Variants in NFIB observed in about 807,000 individuals in gnomAD.
NFIB encodes nuclear factor I B.
NFIB carries 11 observed loss-of-function variants against 61.5 expected under a neutral mutation model. That is an observed-to-expected ratio of 0.18 (90% CI 0.11 to 0.30). The LOEUF is 0.30. Ranked by LOEUF, NFIB falls within the 10% of genes least tolerant of loss-of-function variation. The pLI, the probability that NFIB is intolerant of heterozygous loss-of-function variation, is 1.00. For synonymous variants in NFIB, 260 were observed against 216.5 expected, an observed-to-expected ratio of 1.20 and a Z score of -1.76; for missense variants, 471 against 608.9, an observed-to-expected ratio of 0.77 and a Z score of 2.38.
chr9:14,187,581 T>C (rs1299640693), intron 2 of NFIB, among the ~76,000 whole-genome samples: 1 of 152,286 alleles, frequency 6.6e-6, no homozygotes, highest in East Asian at 1.9e-4. Context: ...CGATATATCC[T>C]GTTTCATTCC....
the NFIB span, among the ~76,000 whole-genome samples, chr9:14,453,333 C>T: frequency 6.6e-6 from 1 of 152,162 alleles, no homozygotes; most frequent in South Asian, 2.1e-4. Flanking sequence ...AGATTTCTGC[C>T]AACCCACTCC....
intron 10 of NFIB, among the ~76,000 whole-genome samples, chr9:14,098,315 C>T (rs754797950): frequency 1.3e-5 from 2 of 152,094 alleles, no homozygotes; most frequent in South Asian, 2.1e-4. Context: ...TGTGGCTTTG[C>T]GTTTTCTTGA....
At chr9:14,175,376 A>G (rs915298051) in intron 3 of NFIB, among the ~76,000 whole-genome samples, 3 of 151,702 alleles carry the variant, frequency 2.0e-5, no homozygotes, top group Non-Finnish European at 4.4e-5. Context: ...GGGTTTCACC[A>G]TGTTAGCCAG....
At chr9:14,221,121 C>G (rs1004139172) in intron 2 of NFIB, among the ~76,000 whole-genome samples, 37 of 152,102 alleles carry the variant, frequency 2.4e-4, no homozygotes, top group Non-Finnish European at 3.5e-4. Context: ...GTTGATATTC[C>G]CACATTTCAC....
the NFIB span, among the ~76,000 whole-genome samples, chr9:14,481,197 GTATATATATATA>G: frequency 0.098 from 4,502 of 45,890 alleles, 603 homozygotes; most frequent in Non-Finnish European, 0.12. Flanking sequence ...GTGTGTGTGT[GTATATATATATA>G]TATATATATA....
At chr9:14,342,857 CAAT>C (rs1309162592) in intron 1 of NFIB, among the ~76,000 whole-genome samples, 1 of 152,180 alleles carries the variant, frequency 6.6e-6, no homozygotes, top group Non-Finnish European at 1.5e-5. Flanking sequence ...AGCAACCAAA[CAAT>C]GAGGGTACAT....
At chr9:14,259,729 T>C (rs1235856556) in intron 2 of NFIB, among the ~76,000 whole-genome samples, 2 of 151,844 alleles carry the variant, frequency 1.3e-5, no homozygotes, top group African/African-American at 4.8e-5. Context: ...GGTGAAATCC[T>C]GTCTCTACTA....
intron 4 of NFIB, among the ~76,000 whole-genome samples, chr9:14,152,082 T>C (rs1237706533): frequency 6.6e-6 from 1 of 152,116 alleles, no homozygotes; most frequent in Non-Finnish European, 1.5e-5. Context: ...GTACAAGCTT[T>C]ATCACAGAGA....
chr9:14,357,665 T>G (rs898581767), intron 1 of NFIB: 2 of 152,224 alleles, frequency 1.3e-5, no homozygotes, highest in Admixed American at 6.5e-5. Context: ...AATGGAAACT[T>G]ATGTCCACGT....
chr9:14,401,827 C>T (rs1307977122), upstream of NFIB, among the ~76,000 whole-genome samples: 1 of 152,058 alleles, frequency 6.6e-6, no homozygotes, highest in Non-Finnish European at 1.5e-5. Flanking sequence ...AAATTCTTTT[C>T]CAGAACAATC....
At position 14,098,450 on chromosome 9, in the gene NFIB, CT is replaced by C. The variant is rs562588905; in HGVS notation, c.1468-10125del. ...TATTCTTGGATTGTCCTTCAGCTTT[CT>C]TTTTCATTCAATTATATTGATCTTT... is the stretch of plus-strand genomic sequence containing the variant. On this transcript the variant is annotated intron_variant, in intron 10 of 10. Transcript: ENST00000380953. Among the ~76,000 whole-genome samples the C allele has an allele frequency of 4.9e-3, 741 of 152,306 alleles. 3 individuals are homozygous for C. The highest frequency in any genetic ancestry group is 0.016 in the African/African-American group (684 of 41,568).
intron 2 of NFIB, among the ~76,000 whole-genome samples, chr9:14,253,818 G>A (rs1053524675): frequency 2.6e-5 from 4 of 152,084 alleles, no homozygotes. Flanking sequence ...CAACATTCAT[G>A]GCTCTCCATG....
In NFIB at chr9:14,262,265, T is replaced by G. The variant is rs57771245; in HGVS notation, c.562+44724A>C. On this transcript the variant is annotated intron_variant, in intron 2 of 10. Transcript: ENST00000380953. ...TGATTTCCTTGTAGATTAAGAACAT[T>G]TACTTTCTTCCTGCTGGATCCCTCC... Among the ~76,000 whole-genome samples, 1,315 of 152,244 alleles carry G rather than the reference T, an allele frequency of 8.6e-3. 18 individuals are homozygous for G. Among genetic ancestry groups the G allele is most frequent in the African/African-American group, 0.03 (1,253 of 41,538 alleles).
intron 1 of NFIB, among the ~76,000 whole-genome samples, chr9:14,373,843 A>G (rs969774883): frequency 2.0e-5 from 3 of 152,202 alleles, no homozygotes; most frequent in Non-Finnish European, 4.4e-5. Context: ...TTATGTTTCA[A>G]TCACCAGGGG....
chr9:14,124,070 G>A (rs1415629499), intron 7 of NFIB, among the ~76,000 whole-genome samples: 4 of 152,080 alleles, frequency 2.6e-5, no homozygotes, highest in Non-Finnish European at 5.9e-5. Flanking sequence ...ACTCTTTAAG[G>A]ACAGAAACGA....
chr9:14,481,197 G>GTATA, the NFIB span, among the ~76,000 whole-genome samples: 680 of 45,770 alleles, frequency 0.015, 61 homozygotes, highest in East Asian at 0.033. Flanking sequence ...GTGTGTGTGT[G>GTATA]TATATATATA....
intron 1 of NFIB, among the ~76,000 whole-genome samples, chr9:14,341,465 A>T (rs144339476): frequency 3.3e-5 from 5 of 152,318 alleles, no homozygotes; most frequent in East Asian, 3.9e-4. Flanking sequence ...GAGGCCCTCA[A>T]TGAAAACAGG....
chr9:14,472,725 C>T, the NFIB span, among the ~76,000 whole-genome samples: 1 of 151,900 alleles, frequency 6.6e-6, no homozygotes, highest in African/African-American at 2.4e-5. Context: ...CCTGTAGTCC[C>T]AGCTACTCGG....
chr9:14,155,722 T>C (rs113726199), intron 4 of NFIB, 103 bp downstream of exon 4: 3 of 562,568 alleles, frequency 5.3e-6, no homozygotes, highest in African/African-American at 4.0e-5. Context: ...TAATTCAAAT[T>C]TTCCTAATAT....
Sources: allele counts gnomAD v4.1 joint callset (sites outside exome capture counted in the v4.1 genomes callset), GRCh38; gene constraint gnomAD v4.1.1; transcripts MANE v1.5; gene names NCBI Gene and HGNC (gene_info 2026-07-23, HGNC 2026-07-21).